The following CCSER2 variants were observed in gnomAD, a reference collection of about 807,000 sequenced individuals.
CCSER2 encodes the protein serine-rich coiled-coil domain-containing protein 2.
A neutral mutation model predicts 92.3 loss-of-function variants in CCSER2; 46 were observed. That is an observed-to-expected ratio of 0.50 (90% CI 0.39 to 0.64). CCSER2 has a LOEUF of 0.64. CCSER2 is among the 30% of genes least tolerant of loss of function. The pLI is 0.00. For missense variants in CCSER2, 1,244 were observed against 1,238.9 expected, an observed-to-expected ratio of 1.00 and a Z score of -0.06; for synonymous variants, 433 against 431.4, an observed-to-expected ratio of 1.00 and a Z score of -0.04.
chr10:84,461,095 G>A (rs1161469869), intron 6 of CCSER2, among the ~76,000 whole-genome samples: 1 of 151,940 alleles, frequency 6.6e-6, no homozygotes, highest in Non-Finnish European at 1.5e-5. Flanking sequence ...TGCTTTAGTT[G>A]CATTCCACAA....
Position 84,371,699 on chromosome 10 carries a change from A to C in CCSER2, c.647A>C (p.Glu216Ala), listed in dbSNP as rs768458114. The C allele has an allele frequency of 6.2e-7, 1 of 1,613,572 alleles. No homozygotes were observed. Among genetic ancestry groups the C allele is most frequent in the South Asian group, 1.1e-5 (1 of 91,064 alleles). Residue 216 changes from glutamate to alanine, a missense_variant, in exon 2 of 10, where the codon GAA (glutamate) becomes GCA (alanine). Transcript: ENST00000372088. ...SPDSSKSINC[E>A]KMVRSQSFSH... Reference sequence around the variant, plus strand: ...GACAGTAGTAAATCTATTAATTGTGAAAAAATGGTAAGGTCACAAAGTTTT... The same window carrying C: ...GACAGTAGTAAATCTATTAATTGTGCAAAAATGGTAAGGTCACAAAGTTTT...
rs191297127 is a variant in CCSER2, at chr10:84,485,203, T to C, written c.2325+7539T>C. Among the ~76,000 whole-genome samples the C allele has an allele frequency of 2.7e-4, 41 of 152,312 alleles. No homozygotes were observed. The East Asian group carries it at 7.7e-3, about 29-fold the overall frequency. Reference sequence around the variant, plus strand: ...GTAGTACAATATCAAAACCAGGAAATTGACATTAGTGATGGTGTGTGTGCA... The same window carrying C: ...GTAGTACAATATCAAAACCAGGAAACTGACATTAGTGATGGTGTGTGTGCA... On this transcript the variant is annotated intron_variant, in intron 9 of 9. Transcript: ENST00000372088.
At chr10:84,506,884 C>A (rs899976176) in intron 9 of CCSER2, among the ~76,000 whole-genome samples, 2 of 152,050 alleles carry the variant, frequency 1.3e-5, no homozygotes, top group Non-Finnish European at 2.9e-5. Flanking sequence ...CTTAAAAATT[C>A]ATTTCTACCT....
chr10:84,493,877 G>T (rs919185377), intron 9 of CCSER2, among the ~76,000 whole-genome samples: 2 of 152,168 alleles, frequency 1.3e-5, no homozygotes, highest in African/African-American at 4.8e-5. Context: ...ATCAGTGGGA[G>T]CCCTGAGCTT....
intron 9 of CCSER2, among the ~76,000 whole-genome samples, chr10:84,491,979 G>GA (rs1447271231): frequency 3.3e-5 from 5 of 151,790 alleles, no homozygotes; most frequent in East Asian, 1.9e-4. Context: ...CTGATACTTA[G>GA]AAAAAAAATT....
intron 3 of CCSER2, among the ~76,000 whole-genome samples, chr10:84,395,008 G>C (rs1450426153): frequency 2.0e-5 from 3 of 152,010 alleles, no homozygotes; most frequent in Non-Finnish European, 4.4e-5. Context: ...AGGATTGCTT[G>C]AGCCCAGGAA....
chr10:84,482,171 G>A (rs1847496486), intron 9 of CCSER2, among the ~76,000 whole-genome samples: 1 of 151,920 alleles, frequency 6.6e-6, no homozygotes, highest in African/African-American at 2.4e-5. Context: ...AGATTTAGGT[G>A]GAGGAAAAAA....
chr10:84,362,871 T>C (rs1343520080), intron 1 of CCSER2, among the ~76,000 whole-genome samples: 1 of 151,994 alleles, frequency 6.6e-6, no homozygotes, highest in Non-Finnish European at 1.5e-5. Context: ...AGTTTCACTC[T>C]TGTCACCCAG....
At chr10:84,334,589 AT>A (rs1843733599) in intron 1 of CCSER2, among the ~76,000 whole-genome samples, 1 of 152,018 alleles carries the variant, frequency 6.6e-6, no homozygotes, top group Non-Finnish European at 1.5e-5. Flanking sequence ...TTACCTGTTT[AT>A]TTTTTCAAGT....
chr10:84,456,353 G>T (rs1030156173), intron 6 of CCSER2, among the ~76,000 whole-genome samples: 3 of 151,982 alleles, frequency 2.0e-5, no homozygotes, highest in Admixed American at 6.6e-5. Flanking sequence ...TTTGAGTCTG[G>T]CTTTTTTTAC....
chr10:84,478,398 C>T (rs1041120788), intron 9 of CCSER2, among the ~76,000 whole-genome samples: 3 of 152,160 alleles, frequency 2.0e-5, no homozygotes, highest in Admixed American at 2.0e-4. Flanking sequence ...CCTAATAAGT[C>T]AGCCTTGACT....
At chr10:84,487,146 G>A (rs1231794202) in intron 9 of CCSER2, among the ~76,000 whole-genome samples, 7 of 152,174 alleles carry the variant, frequency 4.6e-5, no homozygotes, top group Non-Finnish European at 1.0e-4. Flanking sequence ...GGTTACTGTA[G>A]CCTTGTAGTA....
At chr10:84,441,734 ATGT>A (rs1844555486) in intron 6 of CCSER2, among the ~76,000 whole-genome samples, 50 of 106,450 alleles carry the variant, frequency 4.7e-4, no homozygotes, top group South Asian at 1.3e-3. Flanking sequence ...GACTGGGAAA[ATGT>A]TTTTTTTTTT....
At chr10:84,475,500 G>T (rs1427623884) in intron 8 of CCSER2, among the ~76,000 whole-genome samples, 1 of 151,998 alleles carries the variant, frequency 6.6e-6, no homozygotes, top group Non-Finnish European at 1.5e-5. Flanking sequence ...AGGATTTTTT[G>T]ATTATATGAT....
rs1195439462 is a variant in CCSER2 at position 84,516,008 on chromosome 10, G to A, written c.*1741G>A. ...ATCTTTCAGATAGATAACCTTACAA[G>A]GAGAATGTTTGTTTTGAGCAGCTGA... is the stretch of plus-strand genomic sequence containing the variant. On this transcript the variant is annotated 3_prime_UTR_variant, in exon 10 of 10. Transcript: ENST00000372088. 1 of 152,158 alleles carries A rather than the reference G, an allele frequency of 6.6e-6. No individual in the cohort carries two copies. Among genetic ancestry groups the A allele is most frequent in the Non-Finnish European group, 1.5e-5 (1 of 68,018 alleles). The allele number at this position is 152,158 out of a possible 1,614,324, so 9.4% of individuals were successfully genotyped here. A position where few individuals can be genotyped will look rare whatever the true frequency, so the allele number is the denominator to read the frequency against.
At chr10:84,429,033 G>A (rs1210040227) in intron 5 of CCSER2, among the ~76,000 whole-genome samples, 2 of 143,738 alleles carry the variant, frequency 1.4e-5, no homozygotes, top group African/African-American at 5.3e-5. Flanking sequence ...AAGAAATACT[G>A]GTCTGTAGTT....
In CCSER2 at chr10:84,391,149, T is replaced by C. The variant is rs887355212; in HGVS notation, c.1614+17334T>C. On this transcript the variant is annotated intron_variant, in intron 3 of 9. Transcript: ENST00000372088. ...AAGATAAGGATCTCTTCCCTTTACCTGAGTGCCTATCTTCAGTTGCCACAG... is the reference window on the plus strand; with the variant it reads ...AAGATAAGGATCTCTTCCCTTTACCCGAGTGCCTATCTTCAGTTGCCACAG... 4.1e-5 allele frequency: 32 copies of C among 789,428 alleles called. No homozygotes were observed. In the Admixed American group the frequency reaches 5.3e-4, roughly 13 times the overall value. 48.9% of individuals were successfully genotyped at this position (789,428 alleles called of 1,614,324 possible). A position where few individuals can be genotyped will look rare whatever the true frequency, so the allele number is the denominator to read the frequency against.
chr10:84,435,145 T>C (rs1332180460), intron 5 of CCSER2, among the ~76,000 whole-genome samples: 1 of 152,192 alleles, frequency 6.6e-6, no homozygotes, highest in Non-Finnish European at 1.5e-5. Context: ...ATATAAACTT[T>C]GTTCAATGAG....
At chr10:84,447,388 C>CGATCATAT (rs1295029247) in intron 6 of CCSER2, among the ~76,000 whole-genome samples, 1 of 151,964 alleles carries the variant, frequency 6.6e-6, no homozygotes, top group African/African-American at 2.4e-5. Flanking sequence ...GTTTGTTGCC[C>CGATCATAT]GATCATATGT....
Sources: gnomAD v4.1 joint callset for allele counts (sites outside exome capture counted in the v4.1 genomes callset) on GRCh38, gnomAD v4.1.1 for gene constraint, MANE v1.5 for transcripts, NCBI Gene and HGNC (gene_info 2026-07-23, HGNC 2026-07-21) for gene names.